RAB38: variants seen among roughly 807,000 people sequenced by gnomAD.
RAB38 encodes RAB38, member RAS oncogene family.
RAB38 carries 15 observed loss-of-function variants against 18.4 expected under a neutral mutation model. The ratio of observed to expected loss-of-function variants is 0.82; its 90% CI spans 0.55 to 1.26. RAB38 has a LOEUF of 1.26. RAB38 is among the 50% of genes most tolerant of loss of function. The pLI is 0.00. For synonymous variants in RAB38, 101 were observed against 104.4 expected (o/e 0.97, Z 0.20); for missense variants, 294 against 267.4 (o/e 1.10, Z -0.69).
chr11:87,944,643 C>T, the RAB38 span, among the ~76,000 whole-genome samples: 1 of 152,166 alleles, frequency 6.6e-6, no homozygotes, highest in African/African-American at 2.4e-5. Flanking sequence ...TCTAGAAATG[C>T]TTCTATCTGG....
At chr11:88,127,862 C>A (rs925021295) in intron 2 of RAB38, among the ~76,000 whole-genome samples, 22 of 152,174 alleles carry the variant, frequency 1.4e-4, no homozygotes, top group Non-Finnish European at 2.5e-4. Flanking sequence ...CACACATGTA[C>A]AATTACTTTT....
the RAB38 span, among the ~76,000 whole-genome samples, chr11:87,890,685 A>C: frequency 1.3e-5 from 2 of 151,822 alleles, no homozygotes; most frequent in African/African-American, 4.8e-5. Flanking sequence ...CCACTCCCTG[A>C]ATCATAGAGG....
the RAB38 span, among the ~76,000 whole-genome samples, chr11:87,850,710 A>G: frequency 4.2e-5 from 5 of 120,326 alleles, no homozygotes; most frequent in Non-Finnish European, 6.9e-5. Context: ...ATCCCACAAC[A>G]CTGCCACACA....
At chr11:87,912,781 T>TTTA in the RAB38 span, among the ~76,000 whole-genome samples, 2 of 139,340 alleles carry the variant, frequency 1.4e-5, no homozygotes, top group Non-Finnish European at 3.2e-5. Flanking sequence ...TTTTTTTTTT[T>TTTA]AGTTCCTTCA....
chr11:87,862,656 T>G, the RAB38 span, among the ~76,000 whole-genome samples: 1 of 151,748 alleles, frequency 6.6e-6, no homozygotes, highest in Non-Finnish European at 1.5e-5. Flanking sequence ...CCCCTGAACT[T>G]AAACAAAAGT....
chr11:87,872,248 C>T, the RAB38 span, among the ~76,000 whole-genome samples: 1 of 151,474 alleles, frequency 6.6e-6, no homozygotes, highest in African/African-American at 2.4e-5. Context: ...CATGAAGAGA[C>T]TATTCAGCTT....
chr11:88,060,003 A>G, the RAB38 span, among the ~76,000 whole-genome samples: 1 of 152,342 alleles, frequency 6.6e-6, no homozygotes, highest in South Asian at 2.1e-4. Flanking sequence ...TGAACATTCA[A>G]TTTTATGAAC....
the RAB38 span, among the ~76,000 whole-genome samples, chr11:88,046,618 G>T: frequency 1.3e-5 from 2 of 152,044 alleles, no homozygotes; most frequent in Non-Finnish European, 2.9e-5. Context: ...ACCTATCTCG[G>T]CATAATTCTC....
At chr11:87,976,580 T>G in the RAB38 span, among the ~76,000 whole-genome samples, 2 of 91,644 alleles carry the variant, frequency 2.2e-5, no homozygotes, top group Non-Finnish European at 4.2e-5. Flanking sequence ...AATAAATATA[T>G]ATATTTTATA....
the RAB38 span, among the ~76,000 whole-genome samples, chr11:88,066,334 T>C: frequency 6.6e-6 from 1 of 152,184 alleles, no homozygotes; most frequent in Non-Finnish European, 1.5e-5. Flanking sequence ...GTTCCAAGGA[T>C]AGAATATATC....
At chr11:87,857,711 G>A in the RAB38 span, among the ~76,000 whole-genome samples, 2 of 135,060 alleles carry the variant, frequency 1.5e-5, no homozygotes, top group South Asian at 4.5e-4. Context: ...TGATGGGGTT[G>A]TTTGTTTTTT....
At chr11:87,918,509 G>T in the RAB38 span, among the ~76,000 whole-genome samples, 1 of 151,970 alleles carries the variant, frequency 6.6e-6, no homozygotes, top group Non-Finnish European at 1.5e-5. Flanking sequence ...AGTGTACAAG[G>T]ATTCTCTTTT....
At chr11:88,009,471 A>T in the RAB38 span, among the ~76,000 whole-genome samples, 2 of 152,218 alleles carry the variant, frequency 1.3e-5, no homozygotes, top group Non-Finnish European at 2.9e-5. Flanking sequence ...GAGAAGTTTC[A>T]GGGTAAATCT....
chr11:87,893,226 A>T, the RAB38 span, among the ~76,000 whole-genome samples: 9 of 150,964 alleles, frequency 6.0e-5, no homozygotes, highest in East Asian at 1.8e-3. Context: ...GGCAGCTTCC[A>T]AACTTTGTAA....
chr11:87,968,228 G>T, the RAB38 span, among the ~76,000 whole-genome samples: 2 of 152,048 alleles, frequency 1.3e-5, no homozygotes, highest in African/African-American at 4.8e-5. Flanking sequence ...GGACCTTACT[G>T]GTTTCAGCCA....
At chr11:87,939,349 A>G in the RAB38 span, among the ~76,000 whole-genome samples, 1 of 150,514 alleles carries the variant, frequency 6.6e-6, no homozygotes, top group African/African-American at 2.5e-5. Context: ...ATCTGCAGCA[A>G]TTACTTCATT....
the RAB38 span, among the ~76,000 whole-genome samples, chr11:87,846,602 TAGG>T: frequency 2.0e-5 from 3 of 152,050 alleles, no homozygotes; most frequent in East Asian, 5.8e-4. Context: ...TTTTTTGTCA[TAGG>T]AGATTTCAAC....
At chr11:87,805,936 G>A in the RAB38 span, among the ~76,000 whole-genome samples, 13 of 152,002 alleles carry the variant, frequency 8.6e-5, no homozygotes, top group Non-Finnish European at 1.8e-4. Context: ...GCCTCCCCAC[G>A]TTATTGGAGA....
At chr11:87,813,136 A>C in the RAB38 span, among the ~76,000 whole-genome samples, 1 of 152,182 alleles carries the variant, frequency 6.6e-6, no homozygotes, top group Non-Finnish European at 1.5e-5. Flanking sequence ...GAGGGACCCT[A>C]ATTCTAAGAG....
Sources: allele counts gnomAD v4.1 joint callset (sites outside exome capture counted in the v4.1 genomes callset), GRCh38; gene constraint gnomAD v4.1.1; transcripts MANE v1.5; gene names NCBI Gene and HGNC (gene_info 2026-07-23, HGNC 2026-07-21).